AGAP1: variants seen among roughly 807,000 people sequenced by gnomAD.
The protein encoded by AGAP1 is ArfGAP with GTPase domain, ankyrin repeat and PH domain 1, also known as arf-GAP with GTPase, ANK repeat and PH domain-containing protein 1.
Under a neutral mutation model 105.3 loss-of-function variants are expected in AGAP1, and 29 were observed. The observed-to-expected ratio is 0.28, with a 90% CI of 0.21 to 0.38. The LOEUF is 0.38. Among genes scored for constraint, AGAP1 ranks in the 10% least tolerant of loss-of-function variants. AGAP1 has a pLI of 1.00. For missense variants in AGAP1, 998 were observed against 1,165.1 expected (o/e 0.86, Z 2.09); for synonymous variants, 509 against 485.9 (o/e 1.05, Z -0.63).
rs372900894 is a variant in AGAP1 at position 235,967,092 on chromosome 2, G to A, written c.1484-1370G>A. 2.6e-4 allele frequency among the ~76,000 whole-genome samples: 39 copies of A among 151,964 alleles called. No homozygotes were observed. In the East Asian group the frequency reaches 5.8e-3, roughly 23 times the overall value. Reference sequence around the variant, plus strand: ...CAGGCGAGGGTCCTCACGGTGGCCCGCAAGCCCCCTCCTCTCCAGTGCCAC... The same window carrying A: ...CAGGCGAGGGTCCTCACGGTGGCCCACAAGCCCCCTCCTCTCCAGTGCCAC... On this transcript the variant is annotated intron_variant, in intron 12 of 17. Transcript: ENST00000304032. This position sits in a 1 kb window ranked among gnomAD's most constrained non-coding sequence, Gnocchi z 4.7.
rs891263794 is a variant in AGAP1, at chr2:235,867,668, G to T, written c.1051-15677G>T. On this transcript the variant is annotated intron_variant, in intron 9 of 17. Transcript: ENST00000304032. This position sits in a 1 kb window ranked among gnomAD's most constrained non-coding sequence, Gnocchi z 5.4. ...GCCTATTTCTAGCTAAGTGTTATCT[G>T]CAGGGTATAGCTTAGCATAATGAGA... is the stretch of plus-strand genomic sequence containing the variant. 2.0e-5 allele frequency among the ~76,000 whole-genome samples: 3 copies of T among 152,010 alleles called. No individual in the cohort carries two copies. The highest frequency in any genetic ancestry group is 2.9e-5 in the Non-Finnish European group (2 of 68,010).
At chr2:235,839,520 C>G (rs1014068750) in intron 9 of AGAP1, among the ~76,000 whole-genome samples, 5 of 144,448 alleles carry the variant, frequency 3.5e-5, no homozygotes, top group African/African-American at 1.5e-4. Context: ...GCCAGGAGCT[C>G]AAGGCTGCAG....
At position 235,612,767 on chromosome 2, in the gene AGAP1, A is replaced by G. The variant is rs1338240431; in HGVS notation, c.164-96412A>G. ...ACCTGGGCTTGCATGCCGGACGCAT[A>G]CCTGGCACCTGCTTCCAGGTTGGCC... On this transcript the variant is annotated intron_variant, in intron 1 of 17. Transcript: ENST00000304032. The surrounding 1 kb of genome is among the most constrained non-coding windows in gnomAD (Gnocchi z 4.3). 6.6e-6 allele frequency among the ~76,000 whole-genome samples: 1 copy of G among 152,050 alleles called. No individual in the cohort carries two copies. Among genetic ancestry groups the G allele is most frequent in the East Asian group, 1.9e-4 (1 of 5,146 alleles).
intron 6 of AGAP1, among the ~76,000 whole-genome samples, chr2:235,780,186 A>G (rs1015419987): frequency 6.6e-6 from 1 of 152,192 alleles, no homozygotes; most frequent in Non-Finnish European, 1.5e-5. Context: ...TATTTCAAGA[A>G]GAAGATAGTT....
In AGAP1 at chr2:235,750,628, C is replaced by A; in HGVS notation, c.673+140C>A. 8.1e-7 allele frequency: 1 copy of A among 1,239,010 alleles called. No homozygotes were observed. The highest frequency in any genetic ancestry group is 1.5e-5 in the African/African-American group (1 of 67,700). The allele number at this position is 1,239,010 out of a possible 1,614,324, so 76.8% of individuals were successfully genotyped here. A position where few individuals can be genotyped will look rare whatever the true frequency, so the allele number is the denominator to read the frequency against. On this transcript the variant is annotated intron_variant, in intron 6 of 17. Transcript: ENST00000304032. The surrounding 1 kb of genome is among the most constrained non-coding windows in gnomAD (Gnocchi z 5.3). The stretch of plus-strand genomic sequence containing the variant: ...GTGGGCATTAGTATCGAGAGCAGTC[C>A]ATTCCAGAGGCAATTCTCAGGTATG...
At chr2:235,978,290 A>AC (rs2054943358) in intron 13 of AGAP1, among the ~76,000 whole-genome samples, 1 of 151,340 alleles carries the variant, frequency 6.6e-6, no homozygotes. Context: ...GCCCCCACCC[A>AC]CCCACTCACC....
chr2:235,797,899 ACATGAG>A lies in AGAP1; in HGVS notation c.801+14_801+19del. 1 of 1,613,976 alleles carries A rather than the reference ACATGAG, an allele frequency of 6.2e-7. No individual in the cohort carries two copies. Among genetic ancestry groups the A allele is most frequent in the Non-Finnish European group, 8.5e-7 (1 of 1,179,958 alleles). On this transcript the variant is annotated intron_variant, in intron 7 of 17. Transcript: ENST00000304032. Reference sequence around the variant, plus strand: ...GCACATCAGCCAGGTACGTTAGGTGACATGAGAAGTCAGACTCTTAGAACCAAAGAC... The same window carrying A: ...GCACATCAGCCAGGTACGTTAGGTGAAAGTCAGACTCTTAGAACCAAAGAC...
At chr2:235,670,762 C>T (rs1948362843) in intron 1 of AGAP1, 3 of 1,087,576 alleles carry the variant, frequency 2.8e-6, no homozygotes, top group African/African-American at 3.3e-5. Context: ...GCAAGAACGA[C>T]GCGCTCTCGG....
intron 9 of AGAP1, among the ~76,000 whole-genome samples, chr2:235,827,314 G>A (rs1959126271): frequency 6.6e-6 from 1 of 152,130 alleles, no homozygotes; most frequent in African/African-American, 2.4e-5. Context: ...AGGTTTCAGG[G>A]CTTTGACCTG....
At chr2:235,849,206 G>A (rs951863087) in intron 9 of AGAP1, among the ~76,000 whole-genome samples, 16 of 152,198 alleles carry the variant, frequency 1.1e-4, no homozygotes, top group African/African-American at 3.6e-4. Flanking sequence ...TTATGCCAGT[G>A]AATACTAAAG....
rs182659733 is a variant in AGAP1 at position 236,035,210 on chromosome 2, G to A, written c.1646-1351G>A. Among the ~76,000 whole-genome samples, 1 of 152,316 alleles carries A rather than the reference G, an allele frequency of 6.6e-6. No individual in the cohort carries two copies. The highest frequency in any genetic ancestry group is 1.9e-4 in the East Asian group (1 of 5,172). ...GTGACAGAGATAAGTAAAGTGGTTG[G>A]CAGGCAGGTAGGTGAAAGTCAGTAC... On this transcript the variant is annotated intron_variant, in intron 13 of 17. Transcript: ENST00000304032. This position sits in a 1 kb window ranked among gnomAD's most constrained non-coding sequence, Gnocchi z 4.2.
rs1435857253 is a variant in AGAP1 at position 235,769,117 on chromosome 2, G to A, written c.673+18629G>A. On this transcript the variant is annotated intron_variant, in intron 6 of 17. Coordinates refer to ENST00000304032, the MANE Select transcript of AGAP1 (RefSeq NM_001037131.3). The surrounding 1 kb of genome is among the most constrained non-coding windows in gnomAD (Gnocchi z 4.4). ...CTTTTCTCAGATATTTTGTTTTCCT[G>A]GGTATTTTCCCTCTTCTGGGTTCTT... Among the ~76,000 whole-genome samples, 1 of 152,146 alleles carries A rather than the reference G, an allele frequency of 6.6e-6. No homozygotes were observed. Among genetic ancestry groups the A allele is most frequent in the Non-Finnish European group, 1.5e-5 (1 of 68,032 alleles).
rs571897138 is a variant in AGAP1 at position 235,951,050 on chromosome 2, T to C, written c.1484-17412T>C. On this transcript the variant is annotated intron_variant, in intron 12 of 17. Coordinates refer to ENST00000304032, the MANE Select transcript of AGAP1 (RefSeq NM_001037131.3). This position sits in a 1 kb window ranked among gnomAD's most constrained non-coding sequence, Gnocchi z 4.2. ...TCTAATAGTAATGGTGAATTACTCA[T>C]AGTTTTCTGCTGGAAGTAAATTTAA... Among the ~76,000 whole-genome samples, 2 of 152,316 alleles carry C rather than the reference T, an allele frequency of 1.3e-5. No individual in the cohort carries two copies. The highest frequency in any genetic ancestry group is 4.8e-5 in the African/African-American group (2 of 41,568).
At chr2:235,829,906 G>A (rs994092945) in intron 9 of AGAP1, among the ~76,000 whole-genome samples, 5 of 152,090 alleles carry the variant, frequency 3.3e-5, no homozygotes, top group Admixed American at 2.0e-4. Flanking sequence ...TCAGTGGGCC[G>A]GGACAGGCAG....
chr2:235,974,874 A>G (rs1194202221), intron 13 of AGAP1, among the ~76,000 whole-genome samples: 1 of 152,232 alleles, frequency 6.6e-6, no homozygotes, highest in Non-Finnish European at 1.5e-5. Flanking sequence ...ACGTTGAGAA[A>G]TAAAACTCGG....
intron 1 of AGAP1, among the ~76,000 whole-genome samples, chr2:235,561,572 A>G (rs1944153433): frequency 6.6e-6 from 1 of 152,154 alleles, no homozygotes; most frequent in African/African-American, 2.4e-5. Flanking sequence ...TCTAAGGTTT[A>G]GGGCTGACCC....
chr2:235,827,398 C>A (rs774770372), intron 9 of AGAP1, among the ~76,000 whole-genome samples: 2 of 152,076 alleles, frequency 1.3e-5, no homozygotes, highest in Non-Finnish European at 2.9e-5. Flanking sequence ...AGGGGGCTGC[C>A]GGCGTAGCTC....
intron 1 of AGAP1, among the ~76,000 whole-genome samples, chr2:235,698,292 G>A (rs561396275): frequency 6.6e-6 from 1 of 152,192 alleles, no homozygotes; most frequent in East Asian, 1.9e-4. Flanking sequence ...CTCACACGCT[G>A]CTCACCTCCA....
Position 236,124,262 on chromosome 2 carries a change from C to A in AGAP1, c.*140C>A. 2.1e-6 allele frequency: 2 copies of A among 957,830 alleles called. No individual in the cohort carries two copies. The highest frequency in any genetic ancestry group is 3.1e-6 in the Non-Finnish European group (2 of 645,570). 59.3% of individuals were successfully genotyped at this position (957,830 alleles called of 1,614,324 possible). A position where few individuals can be genotyped will look rare whatever the true frequency, so the allele number is the denominator to read the frequency against. On this transcript the variant is annotated 3_prime_UTR_variant, in exon 18 of 18. Transcript: ENST00000304032. This position sits in a 1 kb window ranked among gnomAD's most constrained non-coding sequence, Gnocchi z 5.1. The stretch of plus-strand genomic sequence containing the variant: ...CACCTCCCTCCCGCCCACCCACTCT[C>A]ACCCCAAACAAAATCACAAAACCTG...
Sources: gnomAD v4.1 joint callset for allele counts (sites outside exome capture counted in the v4.1 genomes callset) on GRCh38, gnomAD v4.1.1 for gene constraint, Gnocchi (gnomAD v3.1) non-coding constraint, MANE v1.5 for transcripts, NCBI Gene and HGNC (gene_info 2026-07-23, HGNC 2026-07-21) for gene names.